The following MAN2B2 variants were observed in gnomAD, a reference collection of about 807,000 sequenced individuals.
MAN2B2 encodes epididymis-specific alpha-mannosidase.
MAN2B2 carries 106 observed loss-of-function variants against 117.1 expected under a neutral mutation model. That is an observed-to-expected ratio of 0.90 (90% CI 0.77 to 1.06). MAN2B2 has a LOEUF of 1.06. Among genes scored for constraint, MAN2B2 ranks in the 50% least tolerant of loss-of-function variants. The probability of loss-of-function intolerance (pLI) is 0.00; values close to 1 mark genes in which losing one functional copy is unlikely to be tolerated. For missense variants in MAN2B2, 1,326 were observed against 1,381.4 expected, an observed-to-expected ratio of 0.96 and a Z score of 0.64; for synonymous variants, 544 against 595.1, an observed-to-expected ratio of 0.91 and a Z score of 1.25.
intron 13 of MAN2B2, among the ~76,000 whole-genome samples, chr4:6,610,281 C>T (rs962615402): frequency 1.3e-5 from 2 of 152,142 alleles, no homozygotes; most frequent in African/African-American, 2.4e-5. Context: ...CTCAGCCTCC[C>T]GAGTAGCTGG....
At position 6,621,184 on chromosome 4, in the gene MAN2B2, C is replaced by A. The variant is rs758002380; in HGVS notation, c.2933-4C>A. The A allele has an allele frequency of 5.6e-6, 9 of 1,608,618 alleles. No homozygotes were observed. Among genetic ancestry groups the A allele is most frequent in the African/African-American group, 2.7e-5 (2 of 74,832 alleles). On this transcript the variant is annotated splice_polypyrimidine_tract_variant and splice_region_variant and intron_variant, in intron 18 of 18. Coordinates refer to ENST00000285599, the MANE Select transcript of MAN2B2 (RefSeq NM_015274.3). Reference sequence around the variant, plus strand: ...CACTGGACAGATCACCTCTGTTCCCCTAGGTGACACCACCTCTCCCTCGAG... The same window carrying A: ...CACTGGACAGATCACCTCTGTTCCCATAGGTGACACCACCTCTCCCTCGAG...
chr4:6,586,053 G>GTTTTTTTTTTTTTTTTTTTTTTTTTTT (rs759999292), intron 3 of MAN2B2, among the ~76,000 whole-genome samples: 44 of 143,936 alleles, frequency 3.1e-4, no homozygotes, highest in African/African-American at 1.1e-3. Flanking sequence ...TTTTCTTGTG[G>GTTTTTTTTTTTTTTTTTTTTTTTTTTT]TTTTTTTTTT....
At position 6,621,558 on chromosome 4, in the gene MAN2B2, T is replaced by G; in HGVS notation, c.*273T>G. 2 of 356,610 alleles carry G rather than the reference T, an allele frequency of 5.6e-6. No homozygotes were observed. The highest frequency in any genetic ancestry group is 1.0e-5 in the Non-Finnish European group (2 of 195,142). 22.1% of individuals were successfully genotyped at this position (356,610 alleles called of 1,614,324 possible). A position where few individuals can be genotyped will look rare whatever the true frequency, so the allele number is the denominator to read the frequency against. On this transcript the variant is annotated 3_prime_UTR_variant, in exon 19 of 19. Transcript: ENST00000285599. ...AAAGGATATTTGGCACACTCATGCG[T>G]CATTCATTCACAAAACACAAACCCA...
intron 3 of MAN2B2, among the ~76,000 whole-genome samples, chr4:6,582,426 C>T (rs1160855481): frequency 1.3e-5 from 2 of 152,232 alleles, no homozygotes; most frequent in East Asian, 3.9e-4. Flanking sequence ...GCAATCTCTA[C>T]CTCGCAGGTT....
In MAN2B2 at chr4:6,609,907, G is replaced by A. The variant is rs751586409; in HGVS notation, c.2116G>A (p.Ala706Thr). 6.2e-7 allele frequency: 1 copy of A among 1,614,166 alleles called. No individual in the cohort carries two copies. Among genetic ancestry groups the A allele is most frequent in the Non-Finnish European group, 8.5e-7 (1 of 1,180,034 alleles). Residue 706 changes from alanine to threonine, a missense_variant, in exon 13 of 19, where the codon GCC becomes ACC. By Grantham distance (58) the Ala-to-Thr change is moderately conservative (BLOSUM62 0). Transcript: ENST00000285599. ...CCACCGGATAGAGCAGGAGTACCAA[G>A]CCGGCCCCCTGGAGCTGAACCGTGA... ...LCHRIEQEYQ[A>T]GPLELNREAV... is the part of the protein sequence containing the mutation.
chr4:6,599,973 C>T (rs1727261167), intron 9 of MAN2B2, among the ~76,000 whole-genome samples: 1 of 152,194 alleles, frequency 6.6e-6, no homozygotes, highest in African/African-American at 2.4e-5. Flanking sequence ...GAGAGGCTTC[C>T]CCAAGCTGTG....
chr4:6,596,973 T>C (rs6839485), intron 7 of MAN2B2, 140 bp from the exon 8 acceptor site: 21,018 of 790,714 alleles, frequency 0.027, 934 homozygotes, highest in African/African-American at 0.16. Context: ...CTGGGCTCGC[T>C]GCCTGCCCGG....
chr4:6,583,071 A>C (rs1051667599), intron 3 of MAN2B2, among the ~76,000 whole-genome samples: 12 of 152,202 alleles, frequency 7.9e-5, no homozygotes, highest in African/African-American at 2.7e-4. Flanking sequence ...CTTGATGTTC[A>C]GCCATCCCCC....
intron 18 of MAN2B2, 66 bp from the exon 19 acceptor site, chr4:6,621,122 G>A: frequency 2.6e-6 from 3 of 1,134,940 alleles, no homozygotes; most frequent in Non-Finnish European, 4.0e-6. Flanking sequence ...CAGGTGCAGG[G>A]GGTGAGAGGG....
intron 3 of MAN2B2, among the ~76,000 whole-genome samples, chr4:6,579,150 CCATCA>C (rs1726243318): frequency 1.2e-5 from 1 of 83,798 alleles, no homozygotes; most frequent in Non-Finnish European, 2.6e-5. Flanking sequence ...ATCACCACCA[CCATCA>C]CCATCACCAC....
At chr4:6,618,590 T>G (rs1044922006) in intron 17 of MAN2B2, 3 of 152,402 alleles carry the variant, frequency 2.0e-5, no homozygotes, top group Non-Finnish European at 4.4e-5. Flanking sequence ...GGTTCCCCTC[T>G]TGGCTGATGT....
intron 3 of MAN2B2, among the ~76,000 whole-genome samples, chr4:6,579,759 C>T (rs1490842371): frequency 6.6e-6 from 1 of 152,246 alleles, no homozygotes; most frequent in Non-Finnish European, 1.5e-5. Flanking sequence ...CCATGACCAT[C>T]TCCCTCACCA....
chr4:6,609,040 T>G, intron 11 of MAN2B2, 67 bp from the exon 12 acceptor site: 1 of 1,466,210 alleles, frequency 6.8e-7, no homozygotes, highest in Non-Finnish European at 9.3e-7. Flanking sequence ...GAGAGAGGCT[T>G]GCCAGCCGGT....
At chr4:6,609,418 G>A (rs1272233305) in intron 12 of MAN2B2, 120 bp downstream of exon 12, 6 of 952,588 alleles carry the variant, frequency 6.3e-6, no homozygotes, top group South Asian at 1.7e-5. Context: ...TGGTTGACAC[G>A]TGGTCTGATG....
In MAN2B2 at chr4:6,587,052, G is replaced by T; in HGVS notation, c.448G>T (p.Val150Phe). ...FGIRPQFSWH[V>F]DPFGASATTP... ...GATCCGGCCACAGTTCTCCTGGCACGTTGACCCGTTTGGCGCCTCTGCCAC... is the reference window on the plus strand; with the variant it reads ...GATCCGGCCACAGTTCTCCTGGCACTTTGACCCGTTTGGCGCCTCTGCCAC... The change falls in exon 4 of 19, where the codon GTT becomes TTT. Residue 150 changes from valine (V) to phenylalanine (F), a missense_variant. Physicochemically the swap from Val to Phe is conservative, Grantham distance 50. Transcript: ENST00000285599. 6.2e-7 allele frequency: 1 copy of T among 1,614,062 alleles called. No individual in the cohort carries two copies. The highest frequency in any genetic ancestry group is 8.5e-7 in the Non-Finnish European group (1 of 1,180,012).
At chr4:6,614,179 C>T in intron 15 of MAN2B2, 39 bp from the exon 16 acceptor site, 1 of 1,602,110 alleles carries the variant, frequency 6.2e-7, no homozygotes. Context: ...AGGAGTTGAG[C>T]CCCAAACCCT....
At chr4:6,616,977 T>A (rs2108760102) in intron 16 of MAN2B2, among the ~76,000 whole-genome samples, 1 of 152,282 alleles carries the variant, frequency 6.6e-6, no homozygotes, top group Admixed American at 6.5e-5. Flanking sequence ...AAAGGTTTAA[T>A]GGACTCACAG....
intron 18 of MAN2B2, 197 bp from the exon 19 acceptor site, chr4:6,620,991 T>A (rs192154796): frequency 1.8e-6 from 1 of 541,456 alleles, no homozygotes; most frequent in Admixed American, 3.4e-5. Flanking sequence ...GTTGCCACGG[T>A]GGGAGCCACA....
rs763003843 is a variant in MAN2B2, at chr4:6,609,852, G to A, written c.2061G>A (p.Val687=). The part of the protein sequence containing the change: ...TYAIRSRLTH[V]PQGHDGELLC... ...CAATCCGCTCCCGGCTCACCCATGT[G>A]CCGCAGGGCCATGACGGGGAGCTGC... Residue 687 remains valine (V), a synonymous_variant, in exon 13 of 19, where the codon GTG becomes GTA. Transcript: ENST00000285599. 4 of 1,614,094 alleles carry A rather than the reference G, an allele frequency of 2.5e-6. No homozygotes were observed. The highest frequency in any genetic ancestry group is 3.3e-5 in the Admixed American group (2 of 60,030).
Sources: allele counts gnomAD v4.1 joint callset (sites outside exome capture counted in the v4.1 genomes callset), GRCh38; gene constraint gnomAD v4.1.1; transcripts MANE v1.5; gene names NCBI Gene and HGNC (gene_info 2026-07-23, HGNC 2026-07-21).